APBA1: variants seen among roughly 807,000 people sequenced by gnomAD.
APBA1 encodes the protein amyloid beta precursor protein binding family A member 1.
A neutral mutation model predicts 86.6 loss-of-function variants in APBA1; 55 were observed. The ratio of observed to expected loss-of-function variants is 0.64; its 90% CI spans 0.51 to 0.80. The LOEUF (loss-of-function observed/expected upper bound fraction) is 0.80, where lower values mean the gene tolerates loss of function less well. Among genes scored for constraint, APBA1 ranks in the 30% least tolerant of loss-of-function variants. The pLI is 0.00. For synonymous variants in APBA1, 511 were observed against 493.9 expected (o/e 1.03, Z -0.46); for missense variants, 1,090 against 1,183.0 (o/e 0.92, Z 1.15).
chr9:69,574,448 T>A (rs993068459), intron 1 of APBA1, among the ~76,000 whole-genome samples: 1 of 152,172 alleles, frequency 6.6e-6, no homozygotes, highest in Non-Finnish European at 1.5e-5. Context: ...AGAATAGACT[T>A]GGATTAATAA....
intron 10 of APBA1, among the ~76,000 whole-genome samples, chr9:69,446,985 A>G (rs1275779071): frequency 6.6e-6 from 1 of 152,198 alleles, no homozygotes. Flanking sequence ...ACAGGCATTT[A>G]TCCCTCACAG....
chr9:69,612,574 T>A (rs936461739), intron 1 of APBA1, among the ~76,000 whole-genome samples: 3 of 152,020 alleles, frequency 2.0e-5, no homozygotes, highest in African/African-American at 7.2e-5. Flanking sequence ...ATTATGAAAT[T>A]GCTCTCATCT....
intron 10 of APBA1, among the ~76,000 whole-genome samples, chr9:69,441,951 G>A (rs1834831370): frequency 6.6e-6 from 1 of 152,204 alleles, no homozygotes; most frequent in South Asian, 2.1e-4. Flanking sequence ...CCTGTCCCCT[G>A]ATCAGACTCA....
chr9:69,572,261 G>A (rs1837125904), intron 1 of APBA1, among the ~76,000 whole-genome samples: 1 of 152,078 alleles, frequency 6.6e-6, no homozygotes, highest in South Asian at 2.1e-4. Flanking sequence ...CCCCTGACAG[G>A]CCCCAGTGTG....
intron 10 of APBA1, among the ~76,000 whole-genome samples, chr9:69,445,455 C>G (rs550071620): frequency 1.3e-5 from 2 of 152,168 alleles, no homozygotes; most frequent in South Asian, 4.2e-4. Context: ...TGGAACGGTA[C>G]AGCAAATTAA....
At chr9:69,594,369 C>G (rs1339007042) in intron 1 of APBA1, among the ~76,000 whole-genome samples, 1 of 152,174 alleles carries the variant, frequency 6.6e-6, no homozygotes, top group African/African-American at 2.4e-5. Context: ...GTTGTTTAAT[C>G]AAGTTCTTGG....
chr9:69,499,243 G>C (rs548281113), intron 2 of APBA1, among the ~76,000 whole-genome samples: 1 of 152,216 alleles, frequency 6.6e-6, no homozygotes, highest in African/African-American at 2.4e-5. Flanking sequence ...AATGGAGACA[G>C]ACTGGGGCTA....
In APBA1 at chr9:69,606,558, C is replaced by T. The variant is rs1332999193; in HGVS notation, c.-70+65595G>A. The stretch of plus-strand genomic sequence containing the variant: ...CCAGGCTGGAGTGCAGTGGCACGAT[C>T]TCGGCTCACTGCAAGCTCTGCCTCC... On this transcript the variant is annotated intron_variant, in intron 1 of 12. Transcript: ENST00000265381. Among the ~76,000 whole-genome samples the T allele has an allele frequency of 2.4e-5, 3 of 124,592 alleles. No homozygotes were observed. The East Asian group carries it at 8.5e-4, about 35-fold the overall frequency. 81.7% of individuals were successfully genotyped at this position (124,592 alleles called of 152,430 possible). A position where few individuals can be genotyped will look rare whatever the true frequency, so the allele number is the denominator to read the frequency against.
At chr9:69,633,664 T>C (rs534480030) in intron 1 of APBA1, among the ~76,000 whole-genome samples, 17 of 152,196 alleles carry the variant, frequency 1.1e-4, no homozygotes, top group Non-Finnish European at 2.4e-4. Context: ...TTCAATCCAC[T>C]GAGATATTTG....
At chr9:69,467,709 G>A (rs1170659218) in intron 5 of APBA1, 114 bp downstream of exon 5, 22 of 1,407,768 alleles carry the variant, frequency 1.6e-5, no homozygotes, top group Non-Finnish European at 2.1e-5. Context: ...CCTGTGTGAT[G>A]TCATCTCAAA....
At chr9:69,543,605 G>T (rs187809762) in intron 1 of APBA1, among the ~76,000 whole-genome samples, 6 of 151,992 alleles carry the variant, frequency 3.9e-5, no homozygotes, top group Non-Finnish European at 8.8e-5. Context: ...TCTTCTATGC[G>T]CTTAAATATT....
chr9:69,431,910 G>T (rs59782719), intron 12 of APBA1, among the ~76,000 whole-genome samples: 1 of 150,386 alleles, frequency 6.6e-6, no homozygotes, highest in African/African-American at 2.5e-5. Context: ...GACAGCAGTG[G>T]TAACTGACAG....
chr9:69,506,023 A>C (rs1835955769), intron 2 of APBA1, among the ~76,000 whole-genome samples: 1 of 151,828 alleles, frequency 6.6e-6, no homozygotes, highest in Non-Finnish European at 1.5e-5. Context: ...CATCTAAAAA[A>C]AAAGAAAAAG....
chr9:69,476,528 T>C (rs1394373376), intron 2 of APBA1, among the ~76,000 whole-genome samples: 1 of 152,218 alleles, frequency 6.6e-6, no homozygotes, highest in Admixed American at 6.5e-5. Context: ...CCGAATGTCT[T>C]ATAAAATTGC....
intron 1 of APBA1, among the ~76,000 whole-genome samples, chr9:69,556,878 T>A (rs1374000476): frequency 1.3e-5 from 2 of 152,266 alleles, no homozygotes; most frequent in South Asian, 4.1e-4. Context: ...ATGGAGTCAT[T>A]TCAAGCTTGA....
intron 2 of APBA1, among the ~76,000 whole-genome samples, chr9:69,509,097 C>CA (rs1191850380): frequency 2.7e-5 from 4 of 149,758 alleles, no homozygotes; most frequent in South Asian, 2.1e-4. Flanking sequence ...AATAGAGACA[C>CA]AAAAAACCCT....
At chr9:69,441,142 T>G in intron 10 of APBA1, 27 bp from the exon 11 acceptor site, 14 of 1,605,350 alleles carry the variant, frequency 8.7e-6, no homozygotes, top group Non-Finnish European at 1.0e-5. Flanking sequence ...GTACAGTGGG[T>G]ATGGTGACCA....
At chr9:69,618,040 T>C (rs1450234765) in intron 1 of APBA1, among the ~76,000 whole-genome samples, 2 of 152,328 alleles carry the variant, frequency 1.3e-5, no homozygotes, top group East Asian at 1.9e-4. Context: ...TGCTTGGTAA[T>C]GTATGCCTGG....
intron 2 of APBA1, among the ~76,000 whole-genome samples, chr9:69,512,262 C>T (rs1836061772): frequency 6.6e-6 from 1 of 152,106 alleles, no homozygotes; most frequent in African/African-American, 2.4e-5. Context: ...CAGTTATTTT[C>T]TCTCAGTGCT....
Sources: gnomAD v4.1 joint callset for allele counts (sites outside exome capture counted in the v4.1 genomes callset) on GRCh38, gnomAD v4.1.1 for gene constraint, MANE v1.5 for transcripts, NCBI Gene and HGNC (gene_info 2026-07-23, HGNC 2026-07-21) for gene names.